TTC19: variants seen among roughly 807,000 people sequenced by gnomAD.
TTC19 encodes the protein tetratricopeptide repeat domain 19.
Under a neutral mutation model 49.5 loss-of-function variants are expected in TTC19, and 38 were observed. The ratio of observed to expected loss-of-function variants is 0.77; its 90% CI spans 0.59 to 1.01. The LOEUF (loss-of-function observed/expected upper bound fraction) is 1.01. Among genes scored for constraint, TTC19 ranks in the 50% least tolerant of loss-of-function variants. The probability of loss-of-function intolerance (pLI) is 0.00; values close to 1 mark genes in which losing one functional copy is unlikely to be tolerated. For synonymous variants in TTC19, 204 were observed against 185.2 expected (o/e 1.10, Z -0.83); for missense variants, 475 against 477.7 (o/e 0.99, Z 0.05).
intron 8 of TTC19, 88 bp downstream of exon 8, chr17:16,025,259 TCAG>T (rs771203933): frequency 2.7e-5 from 38 of 1,406,826 alleles, no homozygotes; most frequent in Non-Finnish European, 3.5e-5. Context: ...GGTAACAGGA[TCAG>T]CAGATGGTCC....
chr17:16,018,066 C>T (rs1404005890), intron 7 of TTC19, among the ~76,000 whole-genome samples: 1 of 152,140 alleles, frequency 6.6e-6, no homozygotes, highest in Non-Finnish European at 1.5e-5. Flanking sequence ...CTTTTCCTCA[C>T]TTGTTTTTTC....
downstream of TTC19, among the ~76,000 whole-genome samples, chr17:16,033,971 C>A (rs761655566): frequency 1.4e-4 from 22 of 152,188 alleles, no homozygotes; most frequent in Non-Finnish European, 2.6e-4. Flanking sequence ...GCTGGGATAA[C>A]AGGCATGAGC....
chr17:16,029,088 A>T lies in TTC19; in HGVS notation c.*1566A>T, dbSNP rs1176410136. The T allele has an allele frequency of 2.2e-6, 1 of 451,770 alleles. No homozygotes were observed. Among genetic ancestry groups the T allele is most frequent in the East Asian group, 7.0e-5 (1 of 14,388 alleles). The allele number at this position is 451,770 out of a possible 1,614,324, so 28.0% of individuals were successfully genotyped here. A position where few individuals can be genotyped will look rare whatever the true frequency, so the allele number is the denominator to read the frequency against. On this transcript the variant is annotated 3_prime_UTR_variant, in exon 10 of 10. Coordinates refer to ENST00000261647, the MANE Select transcript of TTC19 (RefSeq NM_017775.4). ...GTATGGTGATTTCTTAAAAAAATTA[A>T]TGTCAACCACTCACCTTTTGCATTG...
At chr17:16,002,158 T>C in intron 3 of TTC19, 133 bp downstream of exon 3, 2 of 725,460 alleles carry the variant, frequency 2.8e-6, no homozygotes, top group Non-Finnish European at 4.8e-6. Flanking sequence ...GAGTTTTCTT[T>C]TGGCTTCAGT....
chr17:16,016,575 T>TG (rs1555529803), intron 7 of TTC19, among the ~76,000 whole-genome samples: 1,696 of 142,802 alleles, frequency 0.012, 45 homozygotes, highest in African/African-American at 0.046. Context: ...TTTTTTTTTT[T>TG]GGGATGGAGT....
intron 2 of TTC19, among the ~76,000 whole-genome samples, chr17:16,042,876 G>C (rs964349222): frequency 6.6e-6 from 1 of 152,228 alleles, no homozygotes; most frequent in African/African-American, 2.4e-5. Context: ...GTAGAGCTTA[G>C]TAGGAAAAGC....
At chr17:16,026,488 TTC>T in intron 8 of TTC19, 50 bp from the exon 9 acceptor site, 1 of 1,570,560 alleles carries the variant, frequency 6.4e-7, no homozygotes, top group Non-Finnish European at 8.7e-7. Context: ...CACATTAAAG[TTC>T]TGTGAAGGCA....
intron 2 of TTC19, among the ~76,000 whole-genome samples, chr17:16,043,841 G>A (rs2058172898): frequency 1.3e-5 from 2 of 152,184 alleles, no homozygotes; most frequent in Non-Finnish European, 2.9e-5. Context: ...TTAAACTGTT[G>A]AAGACTGGAG....
chr17:16,037,621 T>C (rs2151933916), intron 2 of TTC19, among the ~76,000 whole-genome samples: 1 of 152,290 alleles, frequency 6.6e-6, no homozygotes, highest in East Asian at 1.9e-4. Flanking sequence ...ACAAAAATCA[T>C]ACTTCACTAA....
At chr17:16,042,678 G>A (rs1329943053) in intron 2 of TTC19, among the ~76,000 whole-genome samples, 2 of 152,226 alleles carry the variant, frequency 1.3e-5, no homozygotes, top group East Asian at 3.8e-4. Context: ...AACTTGACAG[G>A]AGGAGCTGAC....
chr17:16,041,692 G>A (rs2057691460), intron 2 of TTC19, among the ~76,000 whole-genome samples: 1 of 151,908 alleles, frequency 6.6e-6, no homozygotes, highest in South Asian at 2.1e-4. Context: ...TGGGATTACA[G>A]GCATGGGCCA....
chr17:16,041,473 G>A (rs1335185209), intron 2 of TTC19, among the ~76,000 whole-genome samples: 1 of 143,194 alleles, frequency 7.0e-6, no homozygotes, highest in Non-Finnish European at 1.5e-5. Context: ...GAGTGCAATG[G>A]CGTGATCTAG....
At chr17:16,031,398 T>C (rs1235793140), downstream of TTC19, 2 of 191,430 alleles carry the variant, frequency 1.0e-5, no homozygotes, top group Non-Finnish European at 2.2e-5. Flanking sequence ...AATAATCTAC[T>C]GTAGCTATGG....
rs1261764738 is a variant in TTC19 at position 16,028,948 on chromosome 17, A to G, written c.*1426A>G. The G allele has an allele frequency of 4.7e-6, 2 of 424,332 alleles. No individual in the cohort carries two copies. Among genetic ancestry groups the G allele is most frequent in the East Asian group, 7.1e-5 (1 of 14,014 alleles). The allele number at this position is 424,332 out of a possible 1,614,324, so 26.3% of individuals were successfully genotyped here. ...ATGTTGCAGATGTAAATTTCTTCCT[A>G]TTTTCTGTCTAATCTCATATTATTT... On this transcript the variant is annotated 3_prime_UTR_variant, in exon 10 of 10. Transcript: ENST00000261647.
intron 7 of TTC19, among the ~76,000 whole-genome samples, chr17:16,016,402 T>G (rs1221284036): frequency 6.6e-6 from 1 of 152,176 alleles, no homozygotes; most frequent in Non-Finnish European, 1.5e-5. Flanking sequence ...TGGCCTCACA[T>G]ATGGCTTATC....
chr17:16,012,093 T>C (rs904740918), intron 7 of TTC19, among the ~76,000 whole-genome samples: 2 of 152,196 alleles, frequency 1.3e-5, no homozygotes, highest in Non-Finnish European at 2.9e-5. Flanking sequence ...TGTAAAAATA[T>C]TAATCCTTTG....
downstream of TTC19, chr17:16,032,361 A>T (rs552151209): frequency 1.0e-4 from 165 of 1,614,040 alleles, 1 homozygote; most frequent in Non-Finnish European, 1.4e-4. Flanking sequence ...TCTCGCTCCC[A>T]GATCCTGTTC....
intron 2 of TTC19, 49 bp from the exon 3 acceptor site, chr17:16,001,866 T>G (rs1182788402): frequency 2.4e-6 from 3 of 1,273,598 alleles, no homozygotes; most frequent in South Asian, 2.4e-5. Flanking sequence ...TCTTAGCATA[T>G]GCATCTACTA....
chr17:16,006,750 C>G (rs1970920473), intron 7 of TTC19, among the ~76,000 whole-genome samples, 182 bp downstream of exon 7: 3 of 151,806 alleles, frequency 2.0e-5, no homozygotes, highest in Admixed American at 2.0e-4. Flanking sequence ...AAATATTTGA[C>G]TGCTGTTTTG....
Sources: gnomAD v4.1 joint callset for allele counts (sites outside exome capture counted in the v4.1 genomes callset) on GRCh38, gnomAD v4.1.1 for gene constraint, MANE v1.5 for transcripts, NCBI Gene and HGNC (gene_info 2026-07-23, HGNC 2026-07-21) for gene names.